NIM1K: variants seen among roughly 807,000 people sequenced by gnomAD.
The protein encoded by NIM1K is serine/threonine-protein kinase NIM1.
Under a neutral mutation model 37.1 loss-of-function variants are expected in NIM1K, and 35 were observed. The ratio of observed to expected loss-of-function variants is 0.94; its 90% CI spans 0.72 to 1.25. The LOEUF is 1.25. Ranked by LOEUF, NIM1K falls within the 50% of genes most tolerant of loss-of-function variation. The pLI is 0.00. For missense variants in NIM1K, 564 were observed against 548.0 expected (o/e 1.03, Z -0.29); for synonymous variants, 234 against 206.6 (o/e 1.13, Z -1.14).
At chr5:43,223,551 A>T (rs769491714) in intron 1 of NIM1K, among the ~76,000 whole-genome samples, 5 of 152,236 alleles carry the variant, frequency 3.3e-5, no homozygotes, top group Non-Finnish European at 7.3e-5. Flanking sequence ...TTTCATAGTA[A>T]CAGCCATGTA....
At chr5:43,220,506 C>G (rs1373735935) in intron 1 of NIM1K, among the ~76,000 whole-genome samples, 2 of 152,134 alleles carry the variant, frequency 1.3e-5, no homozygotes, top group African/African-American at 4.8e-5. Flanking sequence ...ATCGCAAACT[C>G]CTGACCTCAG....
chr5:43,233,548 A>G (rs1175873040), intron 1 of NIM1K, among the ~76,000 whole-genome samples: 2 of 152,216 alleles, frequency 1.3e-5, no homozygotes, highest in Non-Finnish European at 2.9e-5. Context: ...TTCCTTATCC[A>G]TAGCCATAGC....
chr5:43,264,558 G>T (rs377478213), intron 2 of NIM1K, among the ~76,000 whole-genome samples: 1 of 152,150 alleles, frequency 6.6e-6, no homozygotes. Context: ...ACACTGATGC[G>T]TCTTGACTCT....
chr5:43,198,525 AAAGAGCGGACTTTATT>A (rs1426495949), intron 1 of NIM1K, among the ~76,000 whole-genome samples: 1 of 152,012 alleles, frequency 6.6e-6, no homozygotes, highest in East Asian at 1.9e-4. Context: ...CTTAAAAAAA[AAAGAGCGGACTTTATT>A]AAGTAATGAT....
At chr5:43,267,281 T>C (rs966577998) in intron 2 of NIM1K, among the ~76,000 whole-genome samples, 1 of 152,234 alleles carries the variant, frequency 6.6e-6, no homozygotes, top group African/African-American at 2.4e-5. Flanking sequence ...TGATCTTTTG[T>C]ATTTCTGTTT....
intron 1 of NIM1K, chr5:43,206,716 A>G: frequency 1.4e-6 from 1 of 717,828 alleles, no homozygotes; most frequent in South Asian, 1.4e-5. Flanking sequence ...TCACTAAGGC[A>G]GCAGCACAGC....
intron 2 of NIM1K, among the ~76,000 whole-genome samples, chr5:43,267,187 G>A (rs968358212): frequency 1.3e-5 from 2 of 152,254 alleles, no homozygotes; most frequent in African/African-American, 4.8e-5. Context: ...TTTAATCTGG[G>A]ATGGTTGTAA....
chr5:43,257,562 AG>A (rs1359092289), intron 2 of NIM1K, among the ~76,000 whole-genome samples: 1 of 151,822 alleles, frequency 6.6e-6, no homozygotes, highest in Non-Finnish European at 1.5e-5. Context: ...CATGTTAGCC[AG>A]GGTAGTCTCG....
intron 2 of NIM1K, among the ~76,000 whole-genome samples, chr5:43,271,997 A>C (rs1318065535): frequency 1.3e-5 from 2 of 152,230 alleles, no homozygotes; most frequent in South Asian, 4.1e-4. Flanking sequence ...TTGTATCAAT[A>C]GTTGGTTCAT....
intron 1 of NIM1K, among the ~76,000 whole-genome samples, chr5:43,199,415 G>A (rs901243813): frequency 7.9e-5 from 12 of 151,756 alleles, no homozygotes; most frequent in African/African-American, 2.9e-4. Flanking sequence ...AGAAGAAGAG[G>A]TCTAGATAAG....
chr5:43,232,155 C>A (rs753167026), intron 1 of NIM1K: 1 of 996,482 alleles, frequency 1.0e-6, no homozygotes, highest in Non-Finnish European at 1.6e-6. Flanking sequence ...AGATGATACA[C>A]TTGGTCTTGA....
intron 1 of NIM1K, chr5:43,206,688 A>G (rs1752118093): frequency 1.4e-6 from 1 of 693,236 alleles, no homozygotes; most frequent in African/African-American, 1.8e-5. Context: ...TCCCCCAGGT[A>G]TGGCACAGGG....
chr5:43,276,982 GC>G (rs1252298937), intron 2 of NIM1K, 74 bp from the exon 3 acceptor site: 1 of 1,434,694 alleles, frequency 7.0e-7, no homozygotes, highest in Non-Finnish European at 9.6e-7. Flanking sequence ...AAGGAAAGGA[GC>G]TGATCCAGGT....
intron 1 of NIM1K, among the ~76,000 whole-genome samples, chr5:43,244,434 T>C (rs1260072749): frequency 6.6e-6 from 1 of 152,230 alleles, no homozygotes; most frequent in African/African-American, 2.4e-5. Flanking sequence ...TATTTCCTGC[T>C]GGAGAGTGCA....
chr5:43,253,937 A>G (rs1229995796), intron 2 of NIM1K, among the ~76,000 whole-genome samples: 2 of 152,208 alleles, frequency 1.3e-5, no homozygotes, highest in Admixed American at 1.3e-4. Flanking sequence ...CTGGGATTAC[A>G]GGCATGAGCC....
Position 43,226,393 on chromosome 5 carries a change from T to C in NIM1K, c.-694-18689T>C, listed in dbSNP as rs113108619. ...TGGCTTACACTTGATGGTAAATGAC[T>C]GTGTTCTGGAAATATTTTGAAGGTA... On this transcript the variant is annotated intron_variant, in intron 1 of 3. Coordinates refer to ENST00000326035, the MANE Select transcript of NIM1K (RefSeq NM_153361.4). Among the ~76,000 whole-genome samples, 18 of 152,308 alleles carry C rather than the reference T, an allele frequency of 1.2e-4. 1 individual carries two copies. Among genetic ancestry groups the C allele is most frequent in the African/African-American group, 4.3e-4 (18 of 41,552 alleles).
intron 1 of NIM1K, among the ~76,000 whole-genome samples, chr5:43,226,091 G>C (rs1174841579): frequency 6.6e-6 from 1 of 152,220 alleles, no homozygotes; most frequent in Admixed American, 6.5e-5. Flanking sequence ...GAGGAGACCA[G>C]CATGGCTGGA....
intron 2 of NIM1K, among the ~76,000 whole-genome samples, chr5:43,246,551 C>T (rs143865212): frequency 0.024 from 3,696 of 152,242 alleles, 70 homozygotes; most frequent in Non-Finnish European, 0.038. Flanking sequence ...ACAGGAGATC[C>T]CCCCGATGGG....
At chr5:43,279,660 A>G (rs1004182594) in intron 3 of NIM1K, among the ~76,000 whole-genome samples, 3 of 152,196 alleles carry the variant, frequency 2.0e-5, no homozygotes, top group South Asian at 2.1e-4. Flanking sequence ...CTCAACAACT[A>G]AGGATTACTG....
Sources: gnomAD v4.1 joint callset for allele counts (sites outside exome capture counted in the v4.1 genomes callset) on GRCh38, gnomAD v4.1.1 for gene constraint, MANE v1.5 for transcripts, NCBI Gene and HGNC (gene_info 2026-07-23, HGNC 2026-07-21) for gene names.